The following CDH23 variants were observed in gnomAD, a reference collection of about 807,000 sequenced individuals.
CDH23 encodes the protein cadherin-23.
CDH23 carries 189 observed loss-of-function variants against 317.1 expected under a neutral mutation model. The observed-to-expected ratio is 0.60, with a 90% CI of 0.53 to 0.67. CDH23 has a LOEUF of 0.67. Among genes scored for constraint, CDH23 ranks in the 30% least tolerant of loss-of-function variants. CDH23 has a pLI of 0.00. For missense variants in CDH23, 4,401 were observed against 4,592.4 expected, an observed-to-expected ratio of 0.96 and a Z score of 1.20; for synonymous variants, 1,839 against 1,876.8, an observed-to-expected ratio of 0.98 and a Z score of 0.52.
chr10:71,535,860 A>T (rs912055064), intron 6 of CDH23, among the ~76,000 whole-genome samples: 1 of 152,276 alleles, frequency 6.6e-6, no homozygotes, highest in Non-Finnish European at 1.5e-5. Context: ...CTGCATAGGC[A>T]GCTCTCTCCA....
Position 71,777,838 on chromosome 10 carries a change from C to A in CDH23, c.5004C>A (p.Gly1668=). 1 of 1,614,010 alleles carries A rather than the reference C, an allele frequency of 6.2e-7. No homozygotes were observed. Among genetic ancestry groups the A allele is most frequent in the Non-Finnish European group, 8.5e-7 (1 of 1,179,906 alleles). Residue 1668 remains glycine, a synonymous_variant, in exon 39 of 70, where the codon GGC becomes GGA. Coordinates refer to ENST00000224721, the MANE Select transcript of CDH23 (RefSeq NM_022124.6). ...TGGACCTGGATGAGGGTCCCAACGGCACAGTCACCTATGCCATCGTCGCAG... is the reference window on the plus strand; with the variant it reads ...TGGACCTGGATGAGGGTCCCAACGGAACAGTCACCTATGCCATCGTCGCAG... ...QALDLDEGPN[G]TVTYAIVAGN... is the part of the protein sequence containing the mutation.
chr10:71,535,577 C>A (rs1855655341), intron 6 of CDH23, among the ~76,000 whole-genome samples: 1 of 152,222 alleles, frequency 6.6e-6, no homozygotes, highest in Admixed American at 6.5e-5. Context: ...TAGACAGACA[C>A]CCTCGCATGG....
Position 71,731,991 on chromosome 10 carries a change from T to A in CDH23, c.3720T>A (p.Asp1240Glu). Residue 1240 changes from aspartate (D) to glutamate (E), a missense_variant, in exon 32 of 70, where the codon GAT becomes GAA. By Grantham distance (45) the Asp-to-Glu change is conservative. Around this residue, in one of 3 missense-constraint regions of CDH23, gnomAD observed 3,068 missense variants for 3,203.3 expected, o/e 0.96. Transcript: ENST00000224721. ...AGCCTCTGTGTCCTCCTACAGGGGA[T>A]GGTGGCCTGGTGAACTACCGCATCC... ...VVQATDRDSG[D>E]GGLVNYRILS... is the part of the protein sequence containing the mutation. The A allele has an allele frequency of 6.2e-7, 1 of 1,613,458 alleles. No homozygotes were observed. Among genetic ancestry groups the A allele is most frequent in the Non-Finnish European group, 8.5e-7 (1 of 1,179,536 alleles).
At chr10:71,547,453 G>A (rs947141024) in intron 6 of CDH23, among the ~76,000 whole-genome samples, 3 of 152,262 alleles carry the variant, frequency 2.0e-5, no homozygotes, top group African/African-American at 7.2e-5. Flanking sequence ...AGGCCAGGCA[G>A]CGCAGGTGTG....
chr10:71,582,003 C>T (rs1028027547), intron 9 of CDH23, among the ~76,000 whole-genome samples: 6 of 152,252 alleles, frequency 3.9e-5, no homozygotes, highest in Non-Finnish European at 8.8e-5. Context: ...ACCTCTCAAT[C>T]CTGTGGTCCT....
chr10:71,715,727 G>A (rs548552000), intron 28 of CDH23: 167 of 438,146 alleles, frequency 3.8e-4, no homozygotes, highest in African/African-American at 3.1e-3. Context: ...AAGCAGCAGC[G>A]AGGGGGTCTG....
intron 1 of CDH23, among the ~76,000 whole-genome samples, chr10:71,435,158 T>A (rs1849562181): frequency 6.6e-6 from 1 of 152,196 alleles, no homozygotes; most frequent in Non-Finnish European, 1.5e-5. Context: ...GACTTGACAC[T>A]TATTAGCTGT....
intron 3 of CDH23, among the ~76,000 whole-genome samples, chr10:71,472,470 A>G (rs1001794411): frequency 6.6e-6 from 1 of 152,144 alleles, no homozygotes; most frequent in African/African-American, 2.4e-5. Flanking sequence ...CAGCTCTAAC[A>G]GTGTCTCCTT....
At position 71,646,561 on chromosome 10, in the gene CDH23, T is replaced by A. The variant is rs886182930; in HGVS notation, c.1393T>A (p.Tyr465Asn). The stretch of plus-strand genomic sequence containing the variant: ...CCGGCCCATCTTCAGCCAGCCACTG[T>A]ACAACATCAGCCTGTACGAGAACGT... The part of the protein sequence containing the change: ...DNRPIFSQPL[Y>N]NISLYENVTV... Residue 465 changes from tyrosine to asparagine, a missense_variant, in exon 14 of 70, where the codon TAC (tyrosine) becomes AAC (asparagine). Physicochemically the swap from Tyr to Asn is moderately radical, Grantham distance 143. Transcript: ENST00000224721. 3.1e-6 allele frequency: 5 copies of A among 1,613,880 alleles called. No homozygotes were observed. The African/African-American group carries it at 6.7e-5, about 22-fold the overall frequency.
At chr10:71,741,979 G>A (rs565521225) in intron 38 of CDH23, 58 bp downstream of exon 38, 23 of 1,341,086 alleles carry the variant, frequency 1.7e-5, no homozygotes, top group South Asian at 9.6e-5. Flanking sequence ...CTCCGCCTCC[G>A]AGTGAGGGGA....
chr10:71,660,407 C>G (rs1318459310), intron 14 of CDH23, among the ~76,000 whole-genome samples: 1 of 152,158 alleles, frequency 6.6e-6, no homozygotes, highest in Non-Finnish European at 1.5e-5. Context: ...CAGCCTTGGG[C>G]GGCTCCTTCC....
chr10:71,487,050 A>G (rs1253306699), intron 3 of CDH23, among the ~76,000 whole-genome samples: 1 of 151,700 alleles, frequency 6.6e-6, no homozygotes, highest in African/African-American at 2.4e-5. Context: ...GGCCTCCCCC[A>G]CCTCCCCAAG....
rs775162765 is a variant in CDH23, at chr10:71,755,335, C to A, written c.4845+13414C>A. The A allele has an allele frequency of 6.3e-6, 10 of 1,598,102 alleles. No homozygotes were observed. The South Asian group carries it at 1.0e-4, about 16-fold the overall frequency. The stretch of plus-strand genomic sequence containing the variant: ...GCAGGTCACTCGCACCGTCCACCCA[C>A]CCCAGGCAGGGAGGAATACTCACGG... On this transcript the variant is annotated intron_variant, in intron 38 of 69. Coordinates refer to ENST00000224721, the MANE Select transcript of CDH23 (RefSeq NM_022124.6).
Position 71,803,403 on chromosome 10 carries a change from A to G in CDH23, c.7855A>G (p.Ile2619Val). The change falls in exon 55 of 70, where the codon ATC becomes GTC. Residue 2619 changes from isoleucine to valine, a missense_variant. This residue lies in a region of CDH23 where 1,144 missense variants were observed against 1,138.2 expected (regional missense o/e 1.01). Coordinates refer to ENST00000224721, the MANE Select transcript of CDH23 (RefSeq NM_022124.6). Reference sequence around the variant, plus strand: ...CTTTGTGCGCCCACCCAACGGCACCATCCTCCACATCAGAGAGGTACTCCT... The same window carrying G: ...CTTTGTGCGCCCACCCAACGGCACCGTCCTCCACATCAGAGAGGTACTCCT... ...PVFVRPPNGT[I>V]LHIREEIPLR... 1 of 1,594,468 alleles carries G rather than the reference A, an allele frequency of 6.3e-7. No homozygotes were observed. The highest frequency in any genetic ancestry group is 8.5e-7 in the Non-Finnish European group (1 of 1,171,350).
At chr10:71,554,174 G>T (rs1411656117) in intron 6 of CDH23, among the ~76,000 whole-genome samples, 9 of 152,180 alleles carry the variant, frequency 5.9e-5, no homozygotes, top group Admixed American at 5.9e-4. Flanking sequence ...CATGAGGCAG[G>T]TTTTCTTTTT....
intron 9 of CDH23, among the ~76,000 whole-genome samples, chr10:71,606,181 G>T (rs913750976): frequency 9.9e-5 from 15 of 152,208 alleles, no homozygotes; most frequent in Non-Finnish European, 5.9e-5. Context: ...ATTAGGAGAG[G>T]TTATAATTTG....
chr10:71,631,731 C>G (rs1862022559), intron 11 of CDH23, among the ~76,000 whole-genome samples: 1 of 152,182 alleles, frequency 6.6e-6, no homozygotes, highest in Admixed American at 6.5e-5. Flanking sequence ...AGGGGGCCAC[C>G]CTTCTAAGAG....
intron 35 of CDH23, among the ~76,000 whole-genome samples, chr10:71,739,315 G>A (rs75701017): frequency 0.02 from 3,113 of 152,202 alleles, 210 homozygotes; most frequent in East Asian, 0.19. Context: ...AGGTAATGCC[G>A]CAGCGTGTGC....
chr10:71,752,099 T>C (rs1564775190), intron 38 of CDH23: 2 of 675,106 alleles, frequency 3.0e-6, no homozygotes, highest in Admixed American at 4.2e-5. Context: ...CCCCAGCTCC[T>C]CCCTGTGGTC....
Sources: gnomAD v4.1 joint callset for allele counts (sites outside exome capture counted in the v4.1 genomes callset) on GRCh38, gnomAD v4.1.1 for gene constraint, gnomAD v4.1.1 regional missense constraint, MANE v1.5 for transcripts, NCBI Gene and HGNC (gene_info 2026-07-23, HGNC 2026-07-21) for gene names.